GPHN: variants seen among roughly 807,000 people sequenced by gnomAD.
GPHN encodes the protein gephyrin.
Under a neutral mutation model 95.5 loss-of-function variants are expected in GPHN, and 17 were observed. The ratio of observed to expected loss-of-function variants is 0.18; its 90% CI spans 0.12 to 0.27. GPHN has a LOEUF of 0.27. Among genes scored for constraint, GPHN ranks in the 10% least tolerant of loss-of-function variants. The probability of loss-of-function intolerance (pLI) is 1.00; values close to 1 mark genes in which losing one functional copy is unlikely to be tolerated. For missense variants in GPHN, 660 were observed against 978.1 expected (o/e 0.67, Z 4.34); for synonymous variants, 320 against 322.5 (o/e 0.99, Z 0.08).
At chr14:67,169,964 G>T (rs1307091962) in intron 21 of GPHN, among the ~76,000 whole-genome samples, 1 of 152,188 alleles carries the variant, frequency 6.6e-6, no homozygotes, top group African/African-American at 2.4e-5. Context: ...TGTAATCCCG[G>T]CTATTCAGGA....
intron 1 of GPHN, among the ~76,000 whole-genome samples, chr14:66,593,620 TGA>T (rs2061850941): frequency 6.6e-6 from 1 of 152,208 alleles, no homozygotes. Context: ...GATTACAATT[TGA>T]GATGAGATTT....
At chr14:67,698,293 C>T in the GPHN span, among the ~76,000 whole-genome samples, 8 of 152,214 alleles carry the variant, frequency 5.3e-5, no homozygotes, top group Non-Finnish European at 1.0e-4. Context: ...AGATTAAAAA[C>T]CATTGATTAT....
intron 2 of GPHN, among the ~76,000 whole-genome samples, chr14:66,749,967 G>A (rs1303222456): frequency 6.6e-6 from 1 of 151,672 alleles, no homozygotes; most frequent in African/African-American, 2.4e-5. Context: ...ATCACCTCAT[G>A]CATTTATCCT....
At chr14:66,937,633 C>T (rs1239407227) in intron 8 of GPHN, among the ~76,000 whole-genome samples, 1 of 151,954 alleles carries the variant, frequency 6.6e-6, no homozygotes, top group Non-Finnish European at 1.5e-5. Flanking sequence ...CTGCTTCGGC[C>T]TCCCAAAGTG....
chr14:67,264,132 A>G, the GPHN span, among the ~76,000 whole-genome samples: 1 of 152,216 alleles, frequency 6.6e-6, no homozygotes, highest in African/African-American at 2.4e-5. Flanking sequence ...ACATGCAACC[A>G]TATGTACAAG....
the GPHN span, among the ~76,000 whole-genome samples, chr14:67,254,718 C>T: frequency 6.6e-6 from 1 of 152,086 alleles, no homozygotes; most frequent in Non-Finnish European, 1.5e-5. Context: ...GCAAACTATC[C>T]CCCCACCTGC....
chr14:67,589,583 C>T, the GPHN span: 1 of 985,442 alleles, frequency 1.0e-6, no homozygotes, highest in Non-Finnish European at 1.2e-6. Flanking sequence ...ATAAATAAGC[C>T]CTGTACAGAA....
At chr14:67,377,729 A>G in the GPHN span, among the ~76,000 whole-genome samples, 8 of 152,022 alleles carry the variant, frequency 5.3e-5, no homozygotes, top group African/African-American at 1.9e-4. Context: ...AAATATCTCT[A>G]GTTTCTTCCA....
chr14:67,682,098 C>T, the GPHN span, among the ~76,000 whole-genome samples: 4 of 152,096 alleles, frequency 2.6e-5, no homozygotes, highest in East Asian at 3.9e-4. Context: ...TCTCAGCCTC[C>T]GGAACCATGA....
At chr14:66,748,387 G>C (rs1372371059) in intron 2 of GPHN, among the ~76,000 whole-genome samples, 1 of 151,834 alleles carries the variant, frequency 6.6e-6, no homozygotes, top group Non-Finnish European at 1.5e-5. Flanking sequence ...GGCAGTTTTA[G>C]GTTCATAGCA....
At chr14:67,194,673 T>C in the GPHN span, among the ~76,000 whole-genome samples, 2 of 152,074 alleles carry the variant, frequency 1.3e-5, no homozygotes, top group African/African-American at 4.8e-5. Flanking sequence ...ACCTGGTTAA[T>C]TGTATTTTTA....
chr14:67,576,076 C>T, the GPHN span: 10 of 1,224,410 alleles, frequency 8.2e-6, no homozygotes, highest in Non-Finnish European at 9.2e-6. This position sits in a 1 kb window ranked among gnomAD's most constrained non-coding sequence, Gnocchi z 4.0. Flanking sequence ...CTCTCTTTCT[C>T]CTGAGCTTCC....
At chr14:67,143,029 T>TA (rs2153704657) in intron 17 of GPHN, 1 of 333,618 alleles carries the variant, frequency 3.0e-6, no homozygotes, top group South Asian at 2.6e-5. Context: ...ACATCTGACT[T>TA]TAGTACTAAA....
intron 19 of GPHN, among the ~76,000 whole-genome samples, chr14:67,164,617 G>A (rs976371654): frequency 6.6e-6 from 1 of 151,740 alleles, no homozygotes; most frequent in African/African-American, 2.4e-5. Context: ...TCAGCCTCCC[G>A]AGTAGCTGGG....
At chr14:66,870,313 A>T (rs1220616065) in intron 4 of GPHN, among the ~76,000 whole-genome samples, 1 of 152,074 alleles carries the variant, frequency 6.6e-6, no homozygotes, top group Non-Finnish European at 1.5e-5. Flanking sequence ...ACCATGATAT[A>T]TTTTTTCTTT....
intron 2 of GPHN, among the ~76,000 whole-genome samples, chr14:66,740,907 A>C (rs1029325501): frequency 6.6e-6 from 1 of 152,150 alleles, no homozygotes; most frequent in Non-Finnish European, 1.5e-5. Context: ...ATAAAGAAAA[A>C]ATTTATTTCT....
At chr14:67,266,387 G>A in the GPHN span, among the ~76,000 whole-genome samples, 237 of 152,076 alleles carry the variant, frequency 1.6e-3, 1 homozygote, top group African/African-American at 5.6e-3. Context: ...GTGCAGTGGC[G>A]TGATCTCAGC....
chr14:67,717,007 C>A, the GPHN span, among the ~76,000 whole-genome samples: 2 of 152,018 alleles, frequency 1.3e-5, no homozygotes, highest in African/African-American at 4.8e-5. Context: ...GCCTGTTTTA[C>A]TTCCTTCTAT....
chr14:66,704,025 T>C (rs536273579), intron 2 of GPHN, among the ~76,000 whole-genome samples: 1 of 146,984 alleles, frequency 6.8e-6, no homozygotes, highest in South Asian at 2.1e-4. Context: ...AATCCTAGAC[T>C]CTGACAAAAC....
Sources: allele counts gnomAD v4.1 joint callset (sites outside exome capture counted in the v4.1 genomes callset), GRCh38; gene constraint gnomAD v4.1.1; non-coding constraint Gnocchi (gnomAD v3.1); transcripts MANE v1.5; gene names NCBI Gene and HGNC (gene_info 2026-07-23, HGNC 2026-07-21).